CLNK: variants seen among roughly 807,000 people sequenced by gnomAD.
The protein encoded by CLNK is cytokine dependent hematopoietic cell linker.
A neutral mutation model predicts 68.6 loss-of-function variants in CLNK; 74 were observed. The observed-to-expected ratio is 1.08, with a 90% CI of 0.89 to 1.31. The LOEUF (loss-of-function observed/expected upper bound fraction) is 1.31, where lower values mean the gene tolerates loss of function less well. Ranked by LOEUF, CLNK falls within the 50% of genes most tolerant of loss-of-function variation. CLNK has a pLI of 0.00. For missense variants in CLNK, 553 were observed against 515.3 expected, an observed-to-expected ratio of 1.07 and a Z score of -0.71; for synonymous variants, 198 against 172.2, an observed-to-expected ratio of 1.15 and a Z score of -1.17.
intron 11 of CLNK, among the ~76,000 whole-genome samples, chr4:10,537,681 TCC>T (rs1339772677): frequency 7.9e-4 from 41 of 52,006 alleles, no homozygotes; most frequent in African/African-American, 8.5e-4. Context: ...CTTTCTTTCT[TCC>T]TTCCTTCCTT....
chr4:10,543,339 G>A (rs1412087270), intron 8 of CLNK, among the ~76,000 whole-genome samples: 1 of 152,116 alleles, frequency 6.6e-6, no homozygotes, highest in Non-Finnish European at 1.5e-5. Flanking sequence ...ATGGCTGTTG[G>A]GGAATCAGTG....
intron 2 of CLNK, among the ~76,000 whole-genome samples, chr4:10,661,994 A>G (rs1316319936): frequency 6.6e-6 from 1 of 152,202 alleles, no homozygotes; most frequent in Non-Finnish European, 1.5e-5. Context: ...TTTACCATCA[A>G]AACTCTTTCC....
intron 2 of CLNK, among the ~76,000 whole-genome samples, chr4:10,643,301 C>T (rs1416116287): frequency 6.6e-6 from 1 of 152,218 alleles, no homozygotes; most frequent in Non-Finnish European, 1.5e-5. Flanking sequence ...ATTGCTCTAG[C>T]AATAATCAAT....
intron 18 of CLNK, among the ~76,000 whole-genome samples, chr4:10,497,494 G>T (rs1436220822): frequency 6.6e-6 from 1 of 152,164 alleles, no homozygotes; most frequent in Non-Finnish European, 1.5e-5. Context: ...GTTCTCTCAG[G>T]GTTCCTTGGT....
At chr4:10,676,252 G>T (rs952674914) in intron 1 of CLNK, among the ~76,000 whole-genome samples, 1 of 152,066 alleles carries the variant, frequency 6.6e-6, no homozygotes, top group Non-Finnish European at 1.5e-5. Context: ...ATACTTAGAG[G>T]AAAATATATG....
rs985810950 is a variant in CLNK at position 10,613,696 on chromosome 4, C to T, written c.12-15647G>A. 2.8e-4 allele frequency among the ~76,000 whole-genome samples: 43 copies of T among 152,234 alleles called. 1 individual carries two copies. Among genetic ancestry groups the T allele is most frequent in the African/African-American group, 1.0e-3 (43 of 41,552 alleles). On this transcript the variant is annotated intron_variant, in intron 2 of 18. Coordinates refer to ENST00000226951, the MANE Select transcript of CLNK (RefSeq NM_052964.4). ...CCCTTTGGGAAGCTATTGCCACAAC[C>T]CCAGCAGGAGATGGAACAGGGTGGG... is the stretch of plus-strand genomic sequence containing the variant.
rs1016753889 is a variant in CLNK, at chr4:10,581,047, C to T, written c.112+3880G>A. Among the ~76,000 whole-genome samples, 12 of 152,270 alleles carry T rather than the reference C, an allele frequency of 7.9e-5. No individual in the cohort carries two copies. The South Asian group carries it at 1.9e-3, about 24-fold the overall frequency. Reference sequence around the variant, plus strand: ...TTTTATCTTTTATGTTGTATTTCTACTGTACCTTTTCTATGTTTAGATACA... The same window carrying T: ...TTTTATCTTTTATGTTGTATTTCTATTGTACCTTTTCTATGTTTAGATACA... On this transcript the variant is annotated intron_variant, in intron 4 of 18. Coordinates refer to ENST00000226951, the MANE Select transcript of CLNK (RefSeq NM_052964.4).
chr4:10,626,395 T>G (rs1409239241), intron 2 of CLNK, among the ~76,000 whole-genome samples: 1 of 152,206 alleles, frequency 6.6e-6, no homozygotes. Flanking sequence ...TTCCTCTGAT[T>G]CTCTTGAATG....
intron 3 of CLNK, among the ~76,000 whole-genome samples, chr4:10,585,734 T>A (rs1001741886): frequency 5.9e-5 from 9 of 152,200 alleles, no homozygotes; most frequent in Non-Finnish European, 8.8e-5. Context: ...GGATGATCAC[T>A]TGAGCCCAGG....
At chr4:10,515,509 C>G (rs1290980880) in intron 15 of CLNK, among the ~76,000 whole-genome samples, 1 of 151,850 alleles carries the variant, frequency 6.6e-6, no homozygotes, top group East Asian at 1.9e-4. Context: ...TTTTTTAACC[C>G]AAAGAATGAC....
At chr4:10,544,854 C>T (rs1719166263) in intron 8 of CLNK, among the ~76,000 whole-genome samples, 1 of 152,194 alleles carries the variant, frequency 6.6e-6, no homozygotes, top group Non-Finnish European at 1.5e-5. Flanking sequence ...CAGGACAGCA[C>T]ATGGCGAGGA....
intron 18 of CLNK, among the ~76,000 whole-genome samples, chr4:10,492,379 C>T (rs3749558): frequency 0.22 from 32,820 of 152,062 alleles, 4,159 homozygotes; most frequent in Middle Eastern, 0.29. Context: ...CTTCCTCTGT[C>T]CGGGGCATCC....
chr4:10,690,986 G>T, the CLNK span, among the ~76,000 whole-genome samples: 1 of 149,982 alleles, frequency 6.7e-6, no homozygotes, highest in African/African-American at 2.5e-5. Context: ...TGAAGAGTGT[G>T]GGGTGGGAAC....
the CLNK span, among the ~76,000 whole-genome samples, chr4:10,700,907 A>T: frequency 6.6e-6 from 1 of 152,198 alleles, no homozygotes; most frequent in South Asian, 2.1e-4. Flanking sequence ...AATTACACAG[A>T]TGTTTTGTAT....
At chr4:10,600,310 C>T (rs1239389004) in intron 2 of CLNK, among the ~76,000 whole-genome samples, 1 of 152,166 alleles carries the variant, frequency 6.6e-6, no homozygotes, top group Non-Finnish European at 1.5e-5. Flanking sequence ...CTTTTGCATA[C>T]CTCTCTATGG....
chr4:10,629,052 A>G (rs1054265028), intron 2 of CLNK, among the ~76,000 whole-genome samples: 1 of 152,088 alleles, frequency 6.6e-6, no homozygotes, highest in African/African-American at 2.4e-5. Context: ...CCTTCAACGG[A>G]AGTCCTCTTC....
At chr4:10,665,111 C>A (rs564476635) in intron 2 of CLNK, among the ~76,000 whole-genome samples, 1 of 152,284 alleles carries the variant, frequency 6.6e-6, no homozygotes, top group South Asian at 2.1e-4. Flanking sequence ...GAAGGCTCCC[C>A]GTGGACTCAT....
chr4:10,537,637 C>CTCTTTCTTTCTT (rs57141867), intron 11 of CLNK, among the ~76,000 whole-genome samples: 65 of 76,230 alleles, frequency 8.5e-4, no homozygotes, highest in African/African-American at 3.3e-3. Context: ...TTCTTTCTTT[C>CTCTTTCTTTCTT]TCTTTCTTTC....
chr4:10,611,913 G>T (rs1722046336), intron 2 of CLNK, among the ~76,000 whole-genome samples: 1 of 152,004 alleles, frequency 6.6e-6, no homozygotes, highest in Non-Finnish European at 1.5e-5. Context: ...GGCCCTCCAT[G>T]GTCTGGTCCC....
Sources: allele counts gnomAD v4.1 joint callset (sites outside exome capture counted in the v4.1 genomes callset), GRCh38; gene constraint gnomAD v4.1.1; transcripts MANE v1.5; gene names NCBI Gene and HGNC (gene_info 2026-07-23, HGNC 2026-07-21).